LAMC3: variants seen among roughly 807,000 people sequenced by gnomAD.
The protein encoded by LAMC3 is laminin subunit gamma-3.
LAMC3 carries 128 observed loss-of-function variants against 173.8 expected under a neutral mutation model. That is an observed-to-expected ratio of 0.74 (90% CI 0.64 to 0.85). The LOEUF (loss-of-function observed/expected upper bound fraction) is 0.85, where lower values mean the gene tolerates loss of function less well. Among genes scored for constraint, LAMC3 ranks in the 40% least tolerant of loss-of-function variants. The pLI is 0.00. For missense variants in LAMC3, 2,022 were observed against 2,156.0 expected (o/e 0.94, Z 1.23); for synonymous variants, 897 against 909.1 (o/e 0.99, Z 0.24).
chr9:131,049,197 C>T (rs543156119), intron 9 of LAMC3, 67 bp downstream of exon 9: 8 of 915,658 alleles, frequency 8.7e-6, no homozygotes, highest in African/African-American at 4.9e-5. Flanking sequence ...AACAACTTGC[C>T]GCATATTAGA....
chr9:131,044,378 C>A (rs557192665), intron 7 of LAMC3, among the ~76,000 whole-genome samples: 1 of 152,010 alleles, frequency 6.6e-6, no homozygotes, highest in Non-Finnish European at 1.5e-5. Context: ...GGCATGGTGG[C>A]GCACACCTGT....
At position 131,039,168 on chromosome 9, in the gene LAMC3, C is replaced by T. The variant is rs138234493; in HGVS notation, c.1203C>T (p.Cys401=). 6.1e-5 allele frequency: 99 copies of T among 1,611,020 alleles called. No individual in the cohort carries two copies. The highest frequency in any genetic ancestry group is 4.0e-4 in the African/African-American group (30 of 75,046). ...TCCAGTGCGATGACACAGGCACCTG[C>T]GCCTGCAAGCCCACGGTGACTGGCT... ...LHLQCDDTGT[C]ACKPTVTGWK... The change falls in exon 6 of 28, where the codon TGC becomes TGT. Residue 401 remains cysteine (C), a synonymous_variant. Transcript: ENST00000361069.
At chr9:131,087,223 C>A (rs1329804938) in intron 25 of LAMC3, among the ~76,000 whole-genome samples, 1 of 152,258 alleles carries the variant, frequency 6.6e-6, no homozygotes, top group Non-Finnish European at 1.5e-5. Flanking sequence ...CCAGCCCCTC[C>A]TCCCCTCTGT....
At chr9:131,087,656 C>G in intron 26 of LAMC3, 34 bp downstream of exon 26, 2 of 1,613,804 alleles carry the variant, frequency 1.2e-6, no homozygotes, top group Non-Finnish European at 1.7e-6. Context: ...CTATCGCCTC[C>G]TGCCCCTGGC....
At chr9:131,064,685 T>C (rs1301689057) in intron 13 of LAMC3, among the ~76,000 whole-genome samples, 1 of 126,280 alleles carries the variant, frequency 7.9e-6, no homozygotes, top group Non-Finnish European at 1.7e-5. Context: ...AAAAAAGAAA[T>C]GTACATACTC....
chr9:131,051,629 C>T (rs1834288069), intron 9 of LAMC3, among the ~76,000 whole-genome samples: 1 of 152,170 alleles, frequency 6.6e-6, no homozygotes, highest in Admixed American at 6.5e-5. Flanking sequence ...TCCAAAAGTG[C>T]TGGGATTACA....
rs545084629 is a variant in LAMC3, at chr9:131,091,913, G to A, written c.*126G>A. The A allele has an allele frequency of 5.8e-5, 63 of 1,084,724 alleles. No individual in the cohort carries two copies. The highest frequency in any genetic ancestry group is 5.8e-4 in the African/African-American group (34 of 58,848). 67.2% of individuals were successfully genotyped at this position (1,084,724 alleles called of 1,614,324 possible). ...AGCCGGCTGCTGTGAACTCGCCCCC[G>A]TGTGGATAGTCACTCCCTGCCGATT... On this transcript the variant is annotated 3_prime_UTR_variant, in exon 28 of 28. Coordinates refer to ENST00000361069, the MANE Select transcript of LAMC3 (RefSeq NM_006059.4).
At chr9:131,035,696 C>G (rs1174258580) in intron 3 of LAMC3, among the ~76,000 whole-genome samples, 1 of 152,160 alleles carries the variant, frequency 6.6e-6, no homozygotes, top group African/African-American at 2.4e-5. Flanking sequence ...ACCTTCTTTC[C>G]TGCCCTTTCG....
intron 15 of LAMC3, among the ~76,000 whole-genome samples, chr9:131,068,532 G>A (rs1264918630): frequency 1.3e-5 from 2 of 152,180 alleles, no homozygotes; most frequent in Non-Finnish European, 2.9e-5. Context: ...GGCCACAGTA[G>A]CACCTTAGAC....
intron 17 of LAMC3, among the ~76,000 whole-genome samples, chr9:131,071,265 G>A (rs1830031342): frequency 6.6e-6 from 1 of 152,188 alleles, no homozygotes; most frequent in Non-Finnish European, 1.5e-5. Flanking sequence ...GGTCAGCGGT[G>A]TCGGCAGGTG....
intron 12 of LAMC3, among the ~76,000 whole-genome samples, chr9:131,058,123 A>AT (rs1302160442): frequency 9.5e-6 from 1 of 105,132 alleles, no homozygotes; most frequent in Non-Finnish European, 2.0e-5. Context: ...TTTATTTTTT[A>AT]TTTTTTGTGG....
At chr9:131,019,155 A>T (rs776497896) in intron 1 of LAMC3, among the ~76,000 whole-genome samples, 5 of 152,178 alleles carry the variant, frequency 3.3e-5, no homozygotes, top group African/African-American at 7.2e-5. Flanking sequence ...CCTGCTACTC[A>T]GGAGGCTGAG....
chr9:131,047,094 G>A (rs1331525834), intron 8 of LAMC3, among the ~76,000 whole-genome samples: 1 of 151,632 alleles, frequency 6.6e-6, no homozygotes, highest in Non-Finnish European at 1.5e-5. Flanking sequence ...CCCTTCAGGG[G>A]TGTCATCTCA....
rs961782750 is a variant in LAMC3 at position 131,091,933 on chromosome 9, C to A, written c.*146C>A. The A allele has an allele frequency of 2.9e-5, 27 of 927,710 alleles. No homozygotes were observed. The highest frequency in any genetic ancestry group is 4.2e-5 in the Non-Finnish European group (26 of 617,520). 57.5% of individuals were successfully genotyped at this position (927,710 alleles called of 1,614,324 possible). On this transcript the variant is annotated 3_prime_UTR_variant, in exon 28 of 28. Coordinates refer to ENST00000361069, the MANE Select transcript of LAMC3 (RefSeq NM_006059.4). Reference sequence around the variant, plus strand: ...CCCCCGTGTGGATAGTCACTCCCTGCCGATTCTGTCTGTGGCTTCTTCCCT... The same window carrying A: ...CCCCCGTGTGGATAGTCACTCCCTGACGATTCTGTCTGTGGCTTCTTCCCT...
chr9:131,068,282 A>C, intron 15 of LAMC3, 51 bp downstream of exon 15: 1 of 1,574,388 alleles, frequency 6.4e-7, no homozygotes, highest in Non-Finnish European at 8.7e-7. Context: ...AGGAGGGAAG[A>C]AGGCATCGGG....
intron 3 of LAMC3, among the ~76,000 whole-genome samples, chr9:131,032,665 TCTCTCTC>T (rs1564368623): frequency 6.6e-6 from 1 of 151,878 alleles, no homozygotes; most frequent in East Asian, 1.9e-4. Flanking sequence ...TCTCTCTCAC[TCTCTCTC>T]GCTCTCTCTC....
chr9:131,012,009 A>G (rs1288351955), intron 1 of LAMC3, among the ~76,000 whole-genome samples: 2 of 151,734 alleles, frequency 1.3e-5, no homozygotes, highest in African/African-American at 2.4e-5. Flanking sequence ...TCTAAAAGCA[A>G]GGAACCTGAG....
At position 131,079,258 on chromosome 9, in the gene LAMC3, C is replaced by A; in HGVS notation, c.3887C>A (p.Ala1296Asp). The A allele has an allele frequency of 6.2e-7, 1 of 1,614,218 alleles. No homozygotes were observed. Among genetic ancestry groups the A allele is most frequent in the South Asian group, 1.1e-5 (1 of 91,084 alleles). ...ATEAARTLQT[A>D]AQATLRQTEP... ...GAGGCTGCCCGAACCCTCCAGACTGCTGCCCAGGCGACGCTACGGCAAACA... is the reference window on the plus strand; with the variant it reads ...GAGGCTGCCCGAACCCTCCAGACTGATGCCCAGGCGACGCTACGGCAAACA... The change falls in exon 23 of 28, where the codon GCT (alanine) becomes GAT (aspartate). Residue 1296 changes from alanine (A) to aspartate (D), a missense_variant. Ala to Asp is a moderately radical substitution (Grantham distance 126). Transcript: ENST00000361069.
At chr9:131,056,415 T>C (rs1834404429) in intron 11 of LAMC3, among the ~76,000 whole-genome samples, 1 of 152,032 alleles carries the variant, frequency 6.6e-6, no homozygotes, top group Admixed American at 6.6e-5. Flanking sequence ...GATGGATATC[T>C]TTCCATAAAA....
Sources: allele counts gnomAD v4.1 joint callset (sites outside exome capture counted in the v4.1 genomes callset), GRCh38; gene constraint gnomAD v4.1.1; transcripts MANE v1.5; gene names NCBI Gene and HGNC (gene_info 2026-07-23, HGNC 2026-07-21).